The following RNF220 variants were observed in gnomAD, a reference collection of about 807,000 sequenced individuals.
The protein encoded by RNF220 is ring finger protein 220, also known as E3 ubiquitin-protein ligase RNF220.
A neutral mutation model predicts 67.1 loss-of-function variants in RNF220; 7 were observed. That is an observed-to-expected ratio of 0.10 (90% confidence interval 0.06 to 0.20). The LOEUF (loss-of-function observed/expected upper bound fraction) is 0.20, where lower values mean the gene tolerates loss of function less well. Among genes scored for constraint, RNF220 ranks in the 10% least tolerant of loss-of-function variants. RNF220 has a pLI of 1.00. For synonymous variants in RNF220, 270 were observed against 283.2 expected (o/e 0.95, Z 0.47); for missense variants, 565 against 740.3 (o/e 0.76, Z 2.75).
intron 2 of RNF220, among the ~76,000 whole-genome samples, chr1:44,521,754 G>A (rs1328931996): frequency 6.6e-6 from 1 of 152,080 alleles, no homozygotes; most frequent in Non-Finnish European, 1.5e-5. Context: ...AATGCCCAAG[G>A]CCCCCACTAG....
At chr1:44,479,442 T>G (rs1052060468) in intron 2 of RNF220, among the ~76,000 whole-genome samples, 22 of 152,112 alleles carry the variant, frequency 1.4e-4, no homozygotes, top group African/African-American at 4.8e-4. Context: ...ATGTGTTTTA[T>G]ACTCATCAAC....
At chr1:44,530,509 C>T (rs1660751145) in intron 2 of RNF220, among the ~76,000 whole-genome samples, 1 of 142,218 alleles carries the variant, frequency 7.0e-6, no homozygotes, top group Admixed American at 7.4e-5. Context: ...TGTGATAATG[C>T]ACTTTCATGG....
chr1:44,449,450 G>A (rs1424208443), intron 2 of RNF220, among the ~76,000 whole-genome samples: 2 of 150,232 alleles, frequency 1.3e-5, no homozygotes, highest in Admixed American at 1.3e-4. Context: ...TCCTCACCCT[G>A]TCACCCAGGC....
chr1:44,491,747 T>C (rs1279853791), intron 2 of RNF220, among the ~76,000 whole-genome samples: 2 of 151,950 alleles, frequency 1.3e-5, no homozygotes, highest in Non-Finnish European at 2.9e-5. Flanking sequence ...CACTGCAAAC[T>C]CTGTCTCTTT....
At position 44,651,390 on chromosome 1, in the gene RNF220, G is replaced by A. The variant is rs1644783257; in HGVS notation, c.*615G>A. The A allele has an allele frequency of 6.3e-6, 1 of 158,104 alleles. No individual in the cohort carries two copies. Among genetic ancestry groups the A allele is most frequent in the Non-Finnish European group, 1.4e-5 (1 of 70,900 alleles). 9.8% of individuals were successfully genotyped at this position (158,104 alleles called of 1,614,324 possible). A position where few individuals can be genotyped will look rare whatever the true frequency, so the allele number is the denominator to read the frequency against. On this transcript the variant is annotated 3_prime_UTR_variant, in exon 15 of 15. Transcript: ENST00000361799. ...TCAGTGGTGTATATTTCTTCTCCCA[G>A]ACATGGGGCACACGCCCCAAGGGAC...
rs573070840 is a variant in RNF220 at position 44,463,673 on chromosome 1, A to G, written c.625+50951A>G. ...GTAAAGCAATATCATCTCGAGTCCA[A>G]ACTATAGACAATTGGTGTATAATTG... On this transcript the variant is annotated intron_variant, in intron 2 of 14. Coordinates refer to ENST00000361799, the MANE Select transcript of RNF220 (RefSeq NM_018150.4). Among the ~76,000 whole-genome samples the G allele has an allele frequency of 2.0e-5, 3 of 152,268 alleles. No homozygotes were observed. In the South Asian group the frequency reaches 6.2e-4, roughly 32 times the overall value.
chr1:44,473,239 A>G (rs1654978516), intron 2 of RNF220, among the ~76,000 whole-genome samples: 1 of 152,184 alleles, frequency 6.6e-6, no homozygotes, highest in Admixed American at 6.5e-5. Flanking sequence ...GCTGGCGGCT[A>G]TAAAGATTCA....
chr1:44,427,753 T>C (rs1395604123), intron 2 of RNF220, among the ~76,000 whole-genome samples: 1 of 152,212 alleles, frequency 6.6e-6, no homozygotes, highest in Non-Finnish European at 1.5e-5. Context: ...TATCAATCTC[T>C]TAGTGGTGTT....
intron 2 of RNF220, among the ~76,000 whole-genome samples, chr1:44,542,566 G>A (rs182705993): frequency 9.8e-5 from 15 of 152,296 alleles, no homozygotes; most frequent in East Asian, 5.8e-4. Context: ...GTGTCCCCAG[G>A]GGGGAGCTAG....
At chr1:44,557,119 A>ATATGTATATATATTTTATATACG (rs1663159451) in intron 2 of RNF220, among the ~76,000 whole-genome samples, 1 of 147,456 alleles carries the variant, frequency 6.8e-6, no homozygotes, top group Non-Finnish European at 1.5e-5. Flanking sequence ...GTATATGTAT[A>ATATGTATATATATTTTATATACG]TATGTATATA....
At chr1:44,602,339 G>A (rs1242663419) in intron 2 of RNF220, among the ~76,000 whole-genome samples, 3 of 152,208 alleles carry the variant, frequency 2.0e-5, no homozygotes, top group Non-Finnish European at 2.9e-5. Flanking sequence ...TGAGTCCACT[G>A]CCTGGCCTGA....
At chr1:44,478,395 G>T (rs1305375881) in intron 2 of RNF220, among the ~76,000 whole-genome samples, 3 of 150,794 alleles carry the variant, frequency 2.0e-5, no homozygotes, top group African/African-American at 7.4e-5. Flanking sequence ...TAGAATACAG[G>T]ATAGCAGCAA....
chr1:44,492,303 C>T (rs1656922437), intron 2 of RNF220, among the ~76,000 whole-genome samples: 1 of 152,072 alleles, frequency 6.6e-6, no homozygotes, highest in Non-Finnish European at 1.5e-5. Flanking sequence ...TTGGAAGAAC[C>T]ATATGCTCCC....
chr1:44,442,660 G>A (rs944012342), intron 2 of RNF220, among the ~76,000 whole-genome samples: 6 of 151,858 alleles, frequency 4.0e-5, no homozygotes, highest in East Asian at 3.9e-4. Context: ...AGTTACCGGC[G>A]TGCACTACCA....
intron 2 of RNF220, among the ~76,000 whole-genome samples, chr1:44,448,424 A>T (rs1652326584): frequency 6.6e-6 from 1 of 152,102 alleles, no homozygotes; most frequent in African/African-American, 2.4e-5. Context: ...TGAGGGCCAG[A>T]CTCTGGTCTT....
intron 2 of RNF220, among the ~76,000 whole-genome samples, chr1:44,588,275 T>C (rs1436134650): frequency 6.6e-6 from 1 of 152,190 alleles, no homozygotes; most frequent in African/African-American, 2.4e-5. Flanking sequence ...GGAGCCCTTC[T>C]CTACTTGACC....
intron 2 of RNF220, among the ~76,000 whole-genome samples, chr1:44,568,878 A>G (rs1664229433): frequency 6.6e-6 from 1 of 152,052 alleles, no homozygotes; most frequent in Non-Finnish European, 1.5e-5. Flanking sequence ...CTCCTTGAAT[A>G]TTCTAGGATG....
rs1643451645 is a variant in RNF220 at position 44,614,351 on chromosome 1, G to C, written c.758+54G>C. 5 of 1,591,448 alleles carry C rather than the reference G, an allele frequency of 3.1e-6. No individual in the cohort carries two copies. The East Asian group carries it at 1.1e-4, about 36-fold the overall frequency. On this transcript the variant is annotated intron_variant, in intron 3 of 14. Coordinates refer to ENST00000361799, the MANE Select transcript of RNF220 (RefSeq NM_018150.4). ...CTGGAGGAGTCCACTCAGGGTTCTG[G>C]CCACCGGATCCCAGAAGCAGCCGCC...
At chr1:44,609,281 C>T (rs954407419) in intron 2 of RNF220, among the ~76,000 whole-genome samples, 1 of 152,178 alleles carries the variant, frequency 6.6e-6, no homozygotes, top group Non-Finnish European at 1.5e-5. Context: ...CCCTCCTCAT[C>T]CCTGTCAGAC....
Sources: gnomAD v4.1 joint callset for allele counts (sites outside exome capture counted in the v4.1 genomes callset) on GRCh38, gnomAD v4.1.1 for gene constraint, MANE v1.5 for transcripts, NCBI Gene and HGNC (gene_info 2026-07-23, HGNC 2026-07-21) for gene names.